DSCAM: variants seen among roughly 807,000 people sequenced by gnomAD.
DSCAM encodes cell adhesion molecule DSCAM.
A neutral mutation model predicts 217.7 loss-of-function variants in DSCAM; 47 were observed. That is an observed-to-expected ratio of 0.22 (90% CI 0.17 to 0.28). The LOEUF (loss-of-function observed/expected upper bound fraction) is 0.28, where lower values mean the gene tolerates loss of function less well. Ranked by LOEUF, DSCAM falls within the 10% of genes least tolerant of loss-of-function variation. The pLI, the probability that DSCAM is intolerant of heterozygous loss-of-function variation, is 1.00. For missense variants in DSCAM, 2,080 were observed against 2,618.3 expected (o/e 0.79, Z 4.49); for synonymous variants, 1,056 against 1,015.3 (o/e 1.04, Z -0.76).
intron 1 of DSCAM, among the ~76,000 whole-genome samples, chr21:40,716,173 A>G (rs1190144735): frequency 6.6e-6 from 1 of 152,234 alleles, no homozygotes; most frequent in Non-Finnish European, 1.5e-5. Flanking sequence ...TTAATAATGT[A>G]ACATAAACTC....
chr21:40,715,947 A>C (rs1049414700), intron 1 of DSCAM, among the ~76,000 whole-genome samples: 1 of 152,230 alleles, frequency 6.6e-6, no homozygotes, highest in African/African-American at 2.4e-5. Context: ...AAATGTATAC[A>C]AGAAACATTG....
chr21:40,825,937 AC>A (rs1555892789), intron 1 of DSCAM, among the ~76,000 whole-genome samples: 5 of 152,236 alleles, frequency 3.3e-5, no homozygotes, highest in Non-Finnish European at 7.3e-5. Flanking sequence ...TAAGAGCTAT[AC>A]ATTGCTTTAA....
intron 3 of DSCAM, among the ~76,000 whole-genome samples, chr21:40,551,500 T>C (rs946827430): frequency 3.3e-5 from 5 of 152,124 alleles, no homozygotes; most frequent in Non-Finnish European, 7.4e-5. Context: ...ATGTTTCCCA[T>C]TCAGACTTTT....
chr21:40,217,771 C>T (rs750386245), intron 11 of DSCAM, among the ~76,000 whole-genome samples: 1 of 152,022 alleles, frequency 6.6e-6, no homozygotes, highest in East Asian at 1.9e-4. Flanking sequence ...TCAGTGATAT[C>T]GAGATTTTTT....
At chr21:40,315,521 C>T (rs1425457575) in intron 8 of DSCAM, among the ~76,000 whole-genome samples, 4 of 152,008 alleles carry the variant, frequency 2.6e-5, no homozygotes, top group Non-Finnish European at 5.9e-5. Flanking sequence ...TACAAATTTT[C>T]AAGAACAGAA....
intron 1 of DSCAM, among the ~76,000 whole-genome samples, chr21:40,820,748 G>A (rs1289921323): frequency 6.6e-6 from 1 of 152,048 alleles, no homozygotes; most frequent in Admixed American, 6.5e-5. Flanking sequence ...AGTGAATTTG[G>A]ATAAATCACC....
chr21:40,424,494 G>T (rs568132913), intron 3 of DSCAM, among the ~76,000 whole-genome samples: 2 of 152,132 alleles, frequency 1.3e-5, no homozygotes, highest in Non-Finnish European at 1.5e-5. Flanking sequence ...GCCAGGTGCC[G>T]CAGGAGGTGA....
chr21:40,426,799 G>T (rs1484508226), intron 3 of DSCAM, among the ~76,000 whole-genome samples: 1 of 152,066 alleles, frequency 6.6e-6, no homozygotes, highest in Non-Finnish European at 1.5e-5. Context: ...TTTGGGCTGG[G>T]GGGTTGGAGC....
rs139619639 is a variant in DSCAM at position 40,824,735 on chromosome 21, T to C, written c.43+21884A>G. ...CCCCTATCCCATTTTTAGATGTGTC[T>C]TCCACCATGACTTTGCACAGCAGCT... On this transcript the variant is annotated intron_variant, in intron 1 of 32. Transcript: ENST00000400454. Among the ~76,000 whole-genome samples, 103 of 152,250 alleles carry C rather than the reference T, an allele frequency of 6.8e-4. 2 individuals are homozygous for C. In the East Asian group the frequency reaches 0.019, roughly 29 times the overall value.
At chr21:40,771,881 C>T (rs1035711211) in intron 1 of DSCAM, among the ~76,000 whole-genome samples, 4 of 151,842 alleles carry the variant, frequency 2.6e-5, no homozygotes, top group African/African-American at 7.3e-5. Context: ...TTTCAGGGAA[C>T]GTGCGTATGT....
chr21:40,525,030 A>AAAAAAAAAAAAAAAC (rs2076389800), intron 3 of DSCAM, among the ~76,000 whole-genome samples: 1 of 151,218 alleles, frequency 6.6e-6, no homozygotes, highest in Non-Finnish European at 1.5e-5. Context: ...AAAAAAAAAA[A>AAAAAAAAAAAAAAAC]ATCCATTCAC....
At chr21:40,583,461 T>C (rs1331988336) in intron 3 of DSCAM, among the ~76,000 whole-genome samples, 1 of 152,156 alleles carries the variant, frequency 6.6e-6, no homozygotes, top group Non-Finnish European at 1.5e-5. Context: ...GCTGGTCCTC[T>C]GCCCTCCCTT....
intron 21 of DSCAM, among the ~76,000 whole-genome samples, chr21:40,088,301 C>T (rs1209631305): frequency 2.0e-5 from 3 of 152,076 alleles, no homozygotes; most frequent in Admixed American, 6.5e-5. Flanking sequence ...ATGTGAGACC[C>T]CTGCACCATT....
intron 4 of DSCAM, among the ~76,000 whole-genome samples, chr21:40,368,266 T>C (rs920132685): frequency 2.6e-5 from 4 of 152,192 alleles, no homozygotes; most frequent in African/African-American, 9.6e-5. Flanking sequence ...ATAAGCAGAA[T>C]ATTGTGCTCT....
Position 40,765,630 on chromosome 21 carries a change from G to A in DSCAM, c.44-56859C>T, listed in dbSNP as rs138655577. Among the ~76,000 whole-genome samples the A allele has an allele frequency of 4.6e-5, 7 of 152,202 alleles. No homozygotes were observed. The East Asian group carries it at 9.6e-4, about 21-fold the overall frequency. ...GTCATTGCAGGTAGGCTATGACCCCGGGAAGAACATCCTTCACACCTGGTA... is the reference window on the plus strand; with the variant it reads ...GTCATTGCAGGTAGGCTATGACCCCAGGAAGAACATCCTTCACACCTGGTA... On this transcript the variant is annotated intron_variant, in intron 1 of 32. Coordinates refer to ENST00000400454, the MANE Select transcript of DSCAM (RefSeq NM_001389.5).
chr21:40,280,416 T>A lies in DSCAM; in HGVS notation c.2183-4146A>T, dbSNP rs147925652. Among the ~76,000 whole-genome samples, 56 of 152,226 alleles carry A rather than the reference T, an allele frequency of 3.7e-4. No individual in the cohort carries two copies. The East Asian group carries it at 0.01, about 28-fold the overall frequency. On this transcript the variant is annotated intron_variant, in intron 10 of 32. Transcript: ENST00000400454. ...GGTTGCTCAGACTGTCTGAAACTCTTGGCCACAATTGATCCTTCCACCTTA... is the reference window on the plus strand; with the variant it reads ...GGTTGCTCAGACTGTCTGAAACTCTAGGCCACAATTGATCCTTCCACCTTA...
chr21:40,764,772 A>G (rs1226394011), intron 1 of DSCAM, among the ~76,000 whole-genome samples: 1 of 144,178 alleles, frequency 6.9e-6, no homozygotes, highest in Non-Finnish European at 1.6e-5. Flanking sequence ...ATGCAGCCAT[A>G]AAAATGAATG....
Position 40,083,956 on chromosome 21 carries a change from T to A in DSCAM, c.4183A>T (p.Ile1395Phe). The change falls in exon 24 of 33, where the codon ATC becomes TTC. Residue 1395 changes from isoleucine to phenylalanine, a missense_variant. Around this residue, in one of 5 missense-constraint regions of DSCAM, gnomAD observed 1,144 missense variants for 1,421.1 expected, o/e 0.81. Transcript: ENST00000400454. ...TCTCCAGGGAGCCAAGAAAGGGTGA[T>A]GGAGGAAGACGTGGTCTTGGAGACT... ...LTVSKTTSSS[I>F]TLSWLPGDNG... 6.2e-7 allele frequency: 1 copy of A among 1,613,930 alleles called. No homozygotes were observed. Among genetic ancestry groups the A allele is most frequent in the Non-Finnish European group, 8.5e-7 (1 of 1,179,922 alleles).
At chr21:40,843,724 C>A (rs939878130) in intron 1 of DSCAM, among the ~76,000 whole-genome samples, 2 of 151,642 alleles carry the variant, frequency 1.3e-5, no homozygotes, top group Non-Finnish European at 2.9e-5. Flanking sequence ...CACGATACTG[C>A]ACCTCATCAG....
Sources: gnomAD v4.1 joint callset for allele counts (sites outside exome capture counted in the v4.1 genomes callset) on GRCh38, gnomAD v4.1.1 for gene constraint, gnomAD v4.1.1 regional missense constraint, MANE v1.5 for transcripts, NCBI Gene and HGNC (gene_info 2026-07-23, HGNC 2026-07-21) for gene names.